The following PARM1 variants were observed in gnomAD, a reference collection of about 807,000 sequenced individuals.
PARM1 encodes WSC4, cell wall integrity and stress response component 4 homolog.
Under a neutral mutation model 24.6 loss-of-function variants are expected in PARM1, and 14 were observed. The ratio of observed to expected loss-of-function variants is 0.57; its 90% confidence interval spans 0.38 to 0.89. PARM1 has a LOEUF of 0.89. Among genes scored for constraint, PARM1 ranks in the 40% least tolerant of loss-of-function variants. PARM1 has a pLI of 0.00. For missense variants in PARM1, 362 were observed against 380.4 expected, an observed-to-expected ratio of 0.95 and a Z score of 0.40; for synonymous variants, 179 against 156.6, an observed-to-expected ratio of 1.14 and a Z score of -1.07.
chr4:75,033,979 CT>C lies in PARM1; in HGVS notation c.848+20del, dbSNP rs1436376298. 72 of 1,573,106 alleles carry C rather than the reference CT, an allele frequency of 4.6e-5. 1 individual carries two copies. Among genetic ancestry groups the C allele is most frequent in the Non-Finnish European group, 3.5e-6 (4 of 1,157,000 alleles). ...AAAATCAGGTGAGACGCAGCTTACT[CT>C]TAAAAAAAAGGGATTCTGTTTTGTT... On this transcript the variant is annotated intron_variant, in intron 3 of 3. Transcript: ENST00000307428.
At position 74,979,877 on chromosome 4, in the gene PARM1, T is replaced by C. The variant is rs2109771495; in HGVS notation, c.44-32548T>C. ...ACTAAAGACAAAAACCACATGATTATCTCACTAGATGGAGAAAAAGCCTTT... is the reference window on the plus strand; with the variant it reads ...ACTAAAGACAAAAACCACATGATTACCTCACTAGATGGAGAAAAAGCCTTT... On this transcript the variant is annotated intron_variant, in intron 1 of 3. Transcript: ENST00000307428. 2.6e-5 allele frequency among the ~76,000 whole-genome samples: 4 copies of C among 152,236 alleles called. No homozygotes were observed. The South Asian group carries it at 6.2e-4, about 24-fold the overall frequency.
chr4:74,975,836 A>C (rs1316092941), intron 1 of PARM1, among the ~76,000 whole-genome samples: 2 of 152,190 alleles, frequency 1.3e-5, no homozygotes, highest in African/African-American at 2.4e-5. Context: ...AGCTGCTGTC[A>C]GTGGCTCTCA....
At position 74,963,313 on chromosome 4, in the gene PARM1, C is replaced by T. The variant is rs1019471857; in HGVS notation, c.43+29943C>T. On this transcript the variant is annotated intron_variant, in intron 1 of 3. Coordinates refer to ENST00000307428, the MANE Select transcript of PARM1 (RefSeq NM_015393.4). ...TTATTTCTTAAAAATGTATATTAAA[C>T]CCAAAAGAATTCAACATACGATTCA... is the stretch of plus-strand genomic sequence containing the variant. 5.9e-5 allele frequency among the ~76,000 whole-genome samples: 9 copies of T among 152,214 alleles called. 1 individual carries two copies. In the South Asian group the frequency reaches 1.7e-3, roughly 28 times the overall value.
intron 3 of PARM1, 147 bp from the exon 4 acceptor site, chr4:75,046,016 T>G: frequency 1.7e-6 from 1 of 578,842 alleles, no homozygotes. Context: ...GCCTCCACGG[T>G]GGGTGGGTCT....
chr4:74,944,744 C>G (rs1044080370), intron 1 of PARM1, among the ~76,000 whole-genome samples: 3 of 151,840 alleles, frequency 2.0e-5, no homozygotes, highest in Non-Finnish European at 4.4e-5. Flanking sequence ...GGAGGGGTAA[C>G]AGAAAAGAAG....
intron 2 of PARM1, among the ~76,000 whole-genome samples, chr4:75,026,327 T>G (rs1281507932): frequency 6.6e-6 from 1 of 152,210 alleles, no homozygotes; most frequent in Non-Finnish European, 1.5e-5. Flanking sequence ...GCAGAATGTA[T>G]TCTCATAAAG....
At chr4:74,951,842 G>C (rs879782688) in intron 1 of PARM1, among the ~76,000 whole-genome samples, 19 of 152,194 alleles carry the variant, frequency 1.2e-4, no homozygotes, top group Admixed American at 3.3e-4. Flanking sequence ...TATCATGGAT[G>C]AGTATTTGGC....
chr4:74,937,921 C>T (rs891373436), intron 1 of PARM1, among the ~76,000 whole-genome samples: 1 of 152,150 alleles, frequency 6.6e-6, no homozygotes, highest in African/African-American at 2.4e-5. Flanking sequence ...CCAAAAAATG[C>T]TCAGTAACAA....
At chr4:74,938,417 A>C (rs1320645230) in intron 1 of PARM1, among the ~76,000 whole-genome samples, 1 of 152,228 alleles carries the variant, frequency 6.6e-6, no homozygotes, top group Non-Finnish European at 1.5e-5. Flanking sequence ...TGGGCACATT[A>C]GTTTATAAAT....
At chr4:75,005,396 G>A (rs982422374) in intron 1 of PARM1, among the ~76,000 whole-genome samples, 3 of 152,298 alleles carry the variant, frequency 2.0e-5, no homozygotes, top group Middle Eastern at 6.8e-3. Flanking sequence ...CAGAAAATCA[G>A]GCTGTCTGCA....
At chr4:74,980,548 T>C (rs1373781345) in intron 1 of PARM1, among the ~76,000 whole-genome samples, 2 of 152,218 alleles carry the variant, frequency 1.3e-5, no homozygotes, top group African/African-American at 4.8e-5. Flanking sequence ...CAAAGTAATT[T>C]ATAGATTCAA....
intron 1 of PARM1, among the ~76,000 whole-genome samples, chr4:74,996,339 T>C (rs1578043844): frequency 6.6e-6 from 1 of 152,236 alleles, no homozygotes; most frequent in African/African-American, 2.4e-5. Context: ...TAGTGGGCTC[T>C]AAATAATTTT....
intron 1 of PARM1, among the ~76,000 whole-genome samples, chr4:74,995,787 T>C (rs1250040200): frequency 6.6e-6 from 1 of 152,152 alleles, no homozygotes; most frequent in Non-Finnish European, 1.5e-5. Flanking sequence ...AGATGTGTCC[T>C]CTTCCATCAA....
chr4:74,961,250 T>C (rs1046221402), intron 1 of PARM1, among the ~76,000 whole-genome samples: 9 of 152,024 alleles, frequency 5.9e-5, no homozygotes, highest in African/African-American at 2.2e-4. Context: ...AAATTGTCAA[T>C]TCTGGAGAAA....
intron 1 of PARM1, among the ~76,000 whole-genome samples, chr4:74,959,801 G>A (rs78388269): frequency 0.028 from 4,299 of 152,232 alleles, 198 homozygotes; most frequent in African/African-American, 0.097. Context: ...AAAATAGGAT[G>A]ATCAAACCAT....
At chr4:75,017,262 C>G (rs929358374) in intron 2 of PARM1, among the ~76,000 whole-genome samples, 4 of 152,146 alleles carry the variant, frequency 2.6e-5, no homozygotes, top group Non-Finnish European at 5.9e-5. Context: ...TCAATCACTC[C>G]CCGCTCTGAA....
chr4:74,969,196 A>G (rs1257047803), intron 1 of PARM1, among the ~76,000 whole-genome samples: 1 of 152,202 alleles, frequency 6.6e-6, no homozygotes, highest in Admixed American at 6.5e-5. Context: ...TCTCACTTAC[A>G]GAAGTACCCA....
chr4:74,949,346 T>C (rs568715108), intron 1 of PARM1, among the ~76,000 whole-genome samples: 94 of 152,132 alleles, frequency 6.2e-4, no homozygotes, highest in Non-Finnish European at 5.7e-4. Flanking sequence ...TGAGATGGAG[T>C]CTTGCTCTGT....
At chr4:75,018,138 G>T (rs900128764) in intron 2 of PARM1, among the ~76,000 whole-genome samples, 3 of 152,152 alleles carry the variant, frequency 2.0e-5, no homozygotes, top group Non-Finnish European at 2.9e-5. Context: ...AAATACTAGG[G>T]TTATAGCCAT....
Sources: allele counts gnomAD v4.1 joint callset (sites outside exome capture counted in the v4.1 genomes callset), GRCh38; gene constraint gnomAD v4.1.1; transcripts MANE v1.5; gene names NCBI Gene and HGNC (gene_info 2026-07-23, HGNC 2026-07-21).